The following ATP11B variants were observed in gnomAD, a reference collection of about 807,000 sequenced individuals.
The protein encoded by ATP11B is ATPase phospholipid transporting 11B (putative).
In ATP11B, 81 loss-of-function variants were observed where a neutral mutation model predicts 157.8. The observed-to-expected ratio is 0.51, with a 90% CI of 0.43 to 0.62. The LOEUF (loss-of-function observed/expected upper bound fraction) is 0.62, where lower values mean the gene tolerates loss of function less well. ATP11B is among the 20% of genes least tolerant of loss of function. ATP11B has a pLI of 0.00. For missense variants in ATP11B, 1,165 were observed against 1,402.2 expected, an observed-to-expected ratio of 0.83 and a Z score of 2.70; for synonymous variants, 451 against 469.4, an observed-to-expected ratio of 0.96 and a Z score of 0.51.
At chr3:182,865,783 G>T (rs996994159) in intron 13 of ATP11B, 85 bp downstream of exon 13, 87 of 1,044,864 alleles carry the variant, frequency 8.3e-5, no homozygotes, top group Non-Finnish European at 1.2e-4. Flanking sequence ...AAAAAAGTTT[G>T]TGTCAGTAGA....
rs1725443987 is a variant in ATP11B, at chr3:182,920,941, A to C, written c.*2837A>C. ...CTGAACAGGAGACTAAACAGAGGCA[A>C]ATCAACCCTAGGAAATACTTGCATT... On this transcript the variant is annotated 3_prime_UTR_variant, in exon 30 of 30. Coordinates refer to ENST00000323116, the MANE Select transcript of ATP11B (RefSeq NM_014616.3). The C allele has an allele frequency of 6.6e-6, 1 of 152,296 alleles. No individual in the cohort carries two copies. Among genetic ancestry groups the C allele is most frequent in the Non-Finnish European group, 1.5e-5 (1 of 68,082 alleles). The allele number at this position is 152,296 out of a possible 1,614,324, so 9.4% of individuals were successfully genotyped here. A position where few individuals can be genotyped will look rare whatever the true frequency, so the allele number is the denominator to read the frequency against.
intron 28 of ATP11B, among the ~76,000 whole-genome samples, chr3:182,903,141 A>G (rs191190638): frequency 3.0e-4 from 45 of 152,268 alleles, no homozygotes; most frequent in African/African-American, 1.1e-3. Flanking sequence ...ATAATAGTTT[A>G]GGGATGCCTT....
At chr3:182,843,286 C>T (rs1719195495) in intron 8 of ATP11B, among the ~76,000 whole-genome samples, 1 of 152,186 alleles carries the variant, frequency 6.6e-6, no homozygotes, top group Non-Finnish European at 1.5e-5. Flanking sequence ...GAAATGATAT[C>T]AGAATAATTT....
At chr3:182,864,671 A>G (rs1721094276) in intron 12 of ATP11B, among the ~76,000 whole-genome samples, 1 of 152,056 alleles carries the variant, frequency 6.6e-6, no homozygotes, top group African/African-American at 2.4e-5. Context: ...GCATCTCTTT[A>G]TAAGGGATGT....
At chr3:182,850,341 C>T (rs1158272584) in intron 10 of ATP11B, among the ~76,000 whole-genome samples, 4 of 151,970 alleles carry the variant, frequency 2.6e-5, no homozygotes, top group Non-Finnish European at 4.4e-5. Flanking sequence ...GGTGTGGTGG[C>T]GGGTGCCTGT....
intron 1 of ATP11B, among the ~76,000 whole-genome samples, chr3:182,804,668 T>C (rs948968274): frequency 6.6e-6 from 1 of 152,182 alleles, no homozygotes; most frequent in Non-Finnish European, 1.5e-5. Flanking sequence ...ATAAAGTATA[T>C]GATTCAGTTT....
At chr3:182,816,120 C>CTTTA (rs1232344320) in intron 1 of ATP11B, among the ~76,000 whole-genome samples, 1 of 151,678 alleles carries the variant, frequency 6.6e-6, no homozygotes, top group East Asian at 1.9e-4. Context: ...GTACCTATGG[C>CTTTA]TTTAACATAT....
chr3:182,897,401 T>C lies in ATP11B; in HGVS notation c.3147T>C (p.Ile1049=). The change falls in exon 27 of 30, where the codon ATT becomes ATC. Residue 1049 remains isoleucine (I), a synonymous_variant. Coordinates refer to ENST00000323116, the MANE Select transcript of ATP11B (RefSeq NM_014616.3). ...YFVFSLFYGG[I]LWPFLGSQNM... ...TATTTTCCTTGTTTTATGGAGGGAT[T>C]CTCTGGTGAGTGAATATATTGTATT... 1 of 1,549,170 alleles carries C rather than the reference T, an allele frequency of 6.5e-7. No individual in the cohort carries two copies. The highest frequency in any genetic ancestry group is 8.8e-7 in the Non-Finnish European group (1 of 1,142,148).
intron 24 of ATP11B, among the ~76,000 whole-genome samples, 189 bp from the exon 25 acceptor site, chr3:182,889,221 T>C (rs1381674811): frequency 6.6e-6 from 1 of 152,204 alleles, no homozygotes; most frequent in Non-Finnish European, 1.5e-5. Context: ...CTATAAGCTA[T>C]TAAACAGATG....
At chr3:182,795,166 A>T (rs918738364) in intron 1 of ATP11B, among the ~76,000 whole-genome samples, 1 of 149,366 alleles carries the variant, frequency 6.7e-6, no homozygotes, top group African/African-American at 2.5e-5. Flanking sequence ...TAATGATGTC[A>T]TTATAATACC....
chr3:182,873,898 C>G lies in ATP11B; in HGVS notation c.2135C>G (p.Thr712Arg). 6.2e-7 allele frequency: 1 copy of G among 1,614,042 alleles called. No individual in the cohort carries two copies. Among genetic ancestry groups the G allele is most frequent in the Non-Finnish European group, 8.5e-7 (1 of 1,179,926 alleles). ...GTACTTACTGGGGATAAACATGAAACAGCTGTTAGTGTGAGTTTATCATGT... is the reference window on the plus strand; with the variant it reads ...GTACTTACTGGGGATAAACATGAAAGAGCTGTTAGTGTGAGTTTATCATGT... The part of the protein sequence containing the change: ...VWVLTGDKHE[T>R]AVSVSLSCGH... The change falls in exon 19 of 30, where the codon ACA becomes AGA. Residue 712 changes from threonine (T) to arginine (R), a missense_variant. Thr to Arg is a moderately conservative substitution (Grantham distance 71). Coordinates refer to ENST00000323116, the MANE Select transcript of ATP11B (RefSeq NM_014616.3).
chr3:182,807,137 A>C (rs1716374323), intron 1 of ATP11B, among the ~76,000 whole-genome samples: 1 of 152,196 alleles, frequency 6.6e-6, no homozygotes, highest in African/African-American at 2.4e-5. Flanking sequence ...TTAGTGTCAC[A>C]GCCAGGACTT....
At chr3:182,910,295 G>C (rs1482837838) in intron 28 of ATP11B, among the ~76,000 whole-genome samples, 1 of 151,992 alleles carries the variant, frequency 6.6e-6, no homozygotes, top group Non-Finnish European at 1.5e-5. Context: ...GCAAAGGATG[G>C]CCAGGCTCAG....
rs1272710485 is a variant in ATP11B at position 182,869,298 on chromosome 3, A to C, written c.1833A>C (p.Glu611Asp). 1 of 1,608,004 alleles carries C rather than the reference A, an allele frequency of 6.2e-7. No individual in the cohort carries two copies. The highest frequency in any genetic ancestry group is 1.3e-5 in the African/African-American group (1 of 74,866). Residue 611 changes from glutamate (E) to aspartate (D), a missense_variant, in exon 17 of 30, where the codon GAA becomes GAC. Coordinates refer to ENST00000323116, the MANE Select transcript of ATP11B (RefSeq NM_014616.3). ...CTAAATGTATAGGTGGAGAAATAGA[A>C]AAAACCAGAATTCATGTAGATGAAT... The part of the protein sequence containing the change: ...ILPKCIGGEI[E>D]KTRIHVDEFA...
intron 11 of ATP11B, 35 bp from the exon 12 acceptor site, chr3:182,859,127 T>A: frequency 6.6e-7 from 1 of 1,504,428 alleles, no homozygotes; most frequent in Non-Finnish European, 9.1e-7. Flanking sequence ...TCTAGTTTAT[T>A]TTTTCTTTTC....
chr3:182,899,242 G>C (rs1723782429), intron 28 of ATP11B, among the ~76,000 whole-genome samples: 1 of 147,760 alleles, frequency 6.8e-6, no homozygotes, highest in East Asian at 2.0e-4. Flanking sequence ...TGCAAACTCT[G>C]CCTCCTGGGT....
At chr3:182,909,944 G>C (rs1189588302) in intron 28 of ATP11B, among the ~76,000 whole-genome samples, 1 of 151,428 alleles carries the variant, frequency 6.6e-6, no homozygotes, top group African/African-American at 2.4e-5. Flanking sequence ...TGTGCCTGTA[G>C]TCCCAGCTAC....
chr3:182,901,393 G>A (rs1723959031), intron 28 of ATP11B, among the ~76,000 whole-genome samples: 1 of 151,140 alleles, frequency 6.6e-6, no homozygotes, highest in Non-Finnish European at 1.5e-5. Context: ...GTAAATATAG[G>A]TTCAGTATCC....
At chr3:182,915,042 T>C in intron 29 of ATP11B, 1 of 985,254 alleles carries the variant, frequency 1.0e-6, no homozygotes. Context: ...TTATAAAGAG[T>C]GAAGAAGGCA....
Sources: allele counts gnomAD v4.1 joint callset (sites outside exome capture counted in the v4.1 genomes callset), GRCh38; gene constraint gnomAD v4.1.1; transcripts MANE v1.5; gene names NCBI Gene and HGNC (gene_info 2026-07-23, HGNC 2026-07-21).